Variants in NEK9 observed in about 807,000 individuals in gnomAD.
NEK9 encodes the protein NIMA related kinase 9.
In NEK9, 75 loss-of-function variants were observed where a neutral mutation model predicts 123.4. The ratio of observed to expected loss-of-function variants is 0.61; its 90% CI spans 0.50 to 0.74. The LOEUF is 0.74. Ranked by LOEUF, NEK9 falls within the 30% of genes least tolerant of loss-of-function variation. The pLI, the probability that NEK9 is intolerant of heterozygous loss-of-function variation, is 0.00. For missense variants in NEK9, 952 were observed against 1,214.4 expected (o/e 0.78, Z 3.21); for synonymous variants, 438 against 458.7 (o/e 0.95, Z 0.58).
At position 75,103,996 on chromosome 14, in the gene NEK9, A is replaced by G; in HGVS notation, c.1577T>C (p.Val526Ala). ...SEEDYYTPQKVDVPKALIIVA... is the reference protein window; with the variant it reads ...SEEDYYTPQKADVPKALIIVA... ...AATAATCAAGGCCTTGGGAACATCC[A>G]CCTGCAAGAAAAAAATCAGAAAAAG... Residue 526 changes from valine (V) to alanine (A), a missense_variant and splice_region_variant, in exon 14 of 22, where the codon GTG (valine) becomes GCG (alanine). By Grantham distance (64) the Val-to-Ala change is moderately conservative (BLOSUM62 0). This residue lies in a region of NEK9 where 698 missense variants were observed against 875.6 expected (regional missense o/e 0.80). Transcript: ENST00000238616. 1 of 1,600,700 alleles carries G rather than the reference A, an allele frequency of 6.2e-7. No homozygotes were observed. The highest frequency in any genetic ancestry group is 8.5e-7 in the Non-Finnish European group (1 of 1,176,562).
chr14:75,093,125 C>T (rs1406314891), intron 18 of NEK9, among the ~76,000 whole-genome samples: 1 of 152,194 alleles, frequency 6.6e-6, no homozygotes, highest in Non-Finnish European at 1.5e-5. Flanking sequence ...AGTTACTAGC[C>T]ATATGTGCCC....
At chr14:75,092,974 T>C (rs1481180320) in intron 18 of NEK9, among the ~76,000 whole-genome samples, 1 of 152,198 alleles carries the variant, frequency 6.6e-6, no homozygotes, top group Non-Finnish European at 1.5e-5. Flanking sequence ...TGAAGCTTAC[T>C]TTTTGTTTTA....
chr14:75,105,174 TCA>T (rs1166659434), intron 13 of NEK9, among the ~76,000 whole-genome samples: 2 of 152,120 alleles, frequency 1.3e-5, no homozygotes, highest in Admixed American at 6.6e-5. Context: ...ACCTCAACCC[TCA>T]GTTTCTGCCA....
At chr14:75,105,106 C>A (rs986774323) in intron 13 of NEK9, among the ~76,000 whole-genome samples, 9 of 152,136 alleles carry the variant, frequency 5.9e-5, no homozygotes, top group African/African-American at 2.2e-4. Flanking sequence ...CTAGACAGGA[C>A]TGGAGAAGGT....
chr14:75,118,769 T>C (rs1895223131), intron 5 of NEK9, 61 bp downstream of exon 5: 2 of 931,352 alleles, frequency 2.1e-6, no homozygotes, highest in African/African-American at 1.7e-5. Flanking sequence ...ATTTAGGGAG[T>C]ACAGTTATAT....
Position 75,100,976 on chromosome 14 carries a change from A to T in NEK9, c.2002+16T>A, listed in dbSNP as rs755107566. On this transcript the variant is annotated intron_variant, in intron 16 of 21. Coordinates refer to ENST00000238616, the MANE Select transcript of NEK9 (RefSeq NM_033116.6). The stretch of plus-strand genomic sequence containing the variant: ...CCATGTGTCCAGAAAGCTTGAAATG[A>T]TATGTACAGACTCACCATCAGTGGC... 77 of 1,611,656 alleles carry T rather than the reference A, an allele frequency of 4.8e-5. No homozygotes were observed. The highest frequency in any genetic ancestry group is 6.0e-5 in the Non-Finnish European group (71 of 1,179,084).
chr14:75,125,631 G>A (rs1895497392), intron 1 of NEK9, among the ~76,000 whole-genome samples: 1 of 152,092 alleles, frequency 6.6e-6, no homozygotes, highest in Non-Finnish European at 1.5e-5. Context: ...CTCATTTTGA[G>A]TGCAAAAAAG....
At chr14:75,113,946 AT>A (rs1895043453) in intron 7 of NEK9, among the ~76,000 whole-genome samples, 1 of 3,282 alleles carries the variant, frequency 3.0e-4, no homozygotes, top group African/African-American at 3.3e-4. Flanking sequence ...ACTCTTGGTC[AT>A]AAAAAATCGA....
rs1894214568 is a variant in NEK9 at position 75,091,457 on chromosome 14, C to T, written c.2255G>A (p.Gly752Glu). 1 of 1,598,734 alleles carries T rather than the reference C, an allele frequency of 6.3e-7. No homozygotes were observed. The highest frequency in any genetic ancestry group is 8.5e-7 in the Non-Finnish European group (1 of 1,173,448). Residue 752 changes from glycine to glutamate, a missense_variant, in exon 19 of 22, where the codon GGA (glycine) becomes GAA (glutamate). Coordinates refer to ENST00000238616, the MANE Select transcript of NEK9 (RefSeq NM_033116.6). ...ACCACCGCCGCCCCCGCCGCCTCCTCCCGGGCTAGAGCTCTGAAACACTGA... is the reference window on the plus strand; with the variant it reads ...ACCACCGCCGCCCCCGCCGCCTCCTTCCGGGCTAGAGCTCTGAAACACTGA... The part of the protein sequence containing the change: ...IGTVFQSSSP[G>E]GGGGGGGGEE...
rs1026598555 is a variant in NEK9 at position 75,079,769 on chromosome 14, A to C, written c.*4795T>G. Reference sequence around the variant, plus strand: ...AGATGCTCCTCCAGATGGGAATGGTAGCACCAGACCACTGCAGTCTCACTT... The same window carrying C: ...AGATGCTCCTCCAGATGGGAATGGTCGCACCAGACCACTGCAGTCTCACTT... On this transcript the variant is annotated 3_prime_UTR_variant, in exon 22 of 22. Transcript: ENST00000238616. 5 of 152,228 alleles carry C rather than the reference A, an allele frequency of 3.3e-5. No individual in the cohort carries two copies. Among genetic ancestry groups the C allele is most frequent in the African/African-American group, 1.2e-4 (5 of 41,474 alleles). The allele number at this position is 152,228 out of a possible 1,614,324, so 9.4% of individuals were successfully genotyped here. A position where few individuals can be genotyped will look rare whatever the true frequency, so the allele number is the denominator to read the frequency against.
In NEK9 at chr14:75,081,358, T is replaced by C. The variant is rs1006943060; in HGVS notation, c.*3206A>G. The C allele has an allele frequency of 6.6e-6, 1 of 152,242 alleles. No homozygotes were observed. The highest frequency in any genetic ancestry group is 6.5e-5 in the Admixed American group (1 of 15,278). The allele number at this position is 152,242 out of a possible 1,614,324, so 9.4% of individuals were successfully genotyped here. A position where few individuals can be genotyped will look rare whatever the true frequency, so the allele number is the denominator to read the frequency against. ...ACAGCTACACAGGTGGTAACAGAGATGTGACATAGTGGAGTTTTTCTCCCT... is the reference window on the plus strand; with the variant it reads ...ACAGCTACACAGGTGGTAACAGAGACGTGACATAGTGGAGTTTTTCTCCCT... On this transcript the variant is annotated 3_prime_UTR_variant, in exon 22 of 22. Transcript: ENST00000238616. The surrounding 1 kb of genome is among the most constrained non-coding windows in gnomAD (Gnocchi z 4.2).
intron 11 of NEK9, 121 bp from the exon 12 acceptor site, chr14:75,106,823 C>T: frequency 1.4e-6 from 1 of 719,700 alleles, no homozygotes; most frequent in Non-Finnish European, 2.3e-6. Flanking sequence ...TTGATTATAT[C>T]CAAGAAATTA....
At chr14:75,115,397 A>T (rs950880711) in intron 6 of NEK9, among the ~76,000 whole-genome samples, 3 of 152,180 alleles carry the variant, frequency 2.0e-5, no homozygotes, top group African/African-American at 7.2e-5. Context: ...GATCACAGGC[A>T]TGAGCCACCG....
intron 10 of NEK9, 132 bp downstream of exon 10, chr14:75,109,553 A>G: frequency 1.3e-6 from 1 of 765,370 alleles, no homozygotes; most frequent in Non-Finnish European, 2.1e-6. Flanking sequence ...TGCTCTTATA[A>G]GAGCTTCCAT....
intron 10 of NEK9, 61 bp from the exon 11 acceptor site, chr14:75,107,548 T>C: frequency 2.2e-6 from 3 of 1,387,088 alleles, no homozygotes; most frequent in Non-Finnish European, 2.9e-6. Flanking sequence ...AACTTAAATT[T>C]TAAAGAGATG....
chr14:75,101,581 A>C (rs1894580882), intron 15 of NEK9, 76 bp downstream of exon 15: 1 of 946,084 alleles, frequency 1.1e-6, no homozygotes, highest in Non-Finnish European at 1.6e-6. Context: ...ATATACATAT[A>C]AAGAAAACCT....
chr14:75,084,255 C>T lies in NEK9; in HGVS notation c.*309G>A. The T allele has an allele frequency of 3.4e-6, 1 of 292,526 alleles. No homozygotes were observed. 18.1% of individuals were successfully genotyped at this position (292,526 alleles called of 1,614,324 possible). Reference sequence around the variant, plus strand: ...CTGCTACCAGCGCAATTAAGGTGAGCACTGTGTCTCCTCTTCAAAGGTGGG... The same window carrying T: ...CTGCTACCAGCGCAATTAAGGTGAGTACTGTGTCTCCTCTTCAAAGGTGGG... On this transcript the variant is annotated 3_prime_UTR_variant, in exon 22 of 22. Transcript: ENST00000238616.
At chr14:75,108,508 C>CGTATGCGTGTGTGT (rs1202346303) in intron 10 of NEK9, among the ~76,000 whole-genome samples, 1 of 82,304 alleles carries the variant, frequency 1.2e-5, no homozygotes, top group African/African-American at 4.8e-5. Flanking sequence ...TATGTGTGTG[C>CGTATGCGTGTGTGT]GTGTGCGTGT....
chr14:75,102,264 G>A (rs973549903), intron 14 of NEK9, among the ~76,000 whole-genome samples: 2 of 152,124 alleles, frequency 1.3e-5, no homozygotes, highest in African/African-American at 4.8e-5. Context: ...TCTCATTTAA[G>A]TTTAAAATTT....
Sources: allele counts gnomAD v4.1 joint callset (sites outside exome capture counted in the v4.1 genomes callset), GRCh38; gene constraint gnomAD v4.1.1; regional missense constraint gnomAD v4.1.1; non-coding constraint Gnocchi (gnomAD v3.1); transcripts MANE v1.5; gene names NCBI Gene and HGNC (gene_info 2026-07-23, HGNC 2026-07-21).